CSMD1: variants seen among roughly 807,000 people sequenced by gnomAD.
CSMD1 encodes CUB and Sushi multiple domains 1, also known as CUB and sushi domain-containing protein 1.
In CSMD1, 213 loss-of-function variants were observed where a neutral mutation model predicts 417.5. The observed-to-expected ratio is 0.51, with a 90% confidence interval of 0.46 to 0.57. The LOEUF (loss-of-function observed/expected upper bound fraction) is 0.57. Ranked by LOEUF, CSMD1 falls within the 20% of genes least tolerant of loss-of-function variation. The pLI, the probability that CSMD1 is intolerant of heterozygous loss-of-function variation, is 0.00. For synonymous variants in CSMD1, 2,862 were observed against 1,736.8 expected (o/e 1.65, Z -16.11); for missense variants, 6,923 against 4,529.7 (o/e 1.53, Z -15.17).
At position 4,109,368 on chromosome 8, in the gene CSMD1, T is replaced by C. The variant is rs115841855; in HGVS notation, c.416-77269A>G. On this transcript the variant is annotated intron_variant, in intron 3 of 69. Transcript: ENST00000635120. The stretch of plus-strand genomic sequence containing the variant: ...CGAATAAAATCTTATTTCATAGATT[T>C]ACTGGGCATATAATATAGTGACCTA... 2.4e-3 allele frequency among the ~76,000 whole-genome samples: 365 copies of C among 152,294 alleles called. 1 individual carries two copies. The highest frequency in any genetic ancestry group is 0.01 in the Middle Eastern group (3 of 294).
At chr8:3,474,580 T>C (rs1817300314) in intron 11 of CSMD1, among the ~76,000 whole-genome samples, 1 of 152,208 alleles carries the variant, frequency 6.6e-6, no homozygotes, top group South Asian at 2.1e-4. Flanking sequence ...TTTTGGTCTT[T>C]ATGCAGAAGT....
intron 5 of CSMD1, among the ~76,000 whole-genome samples, chr8:3,894,235 A>G (rs1023222651): frequency 2.0e-5 from 3 of 152,146 alleles, no homozygotes; most frequent in African/African-American, 7.2e-5. Context: ...GTATCACAAC[A>G]GCTGTCAACA....
At chr8:3,551,271 A>C (rs1026991656) in intron 10 of CSMD1, among the ~76,000 whole-genome samples, 25 of 152,162 alleles carry the variant, frequency 1.6e-4, no homozygotes, top group African/African-American at 5.8e-4. Flanking sequence ...CTTGTGGCAT[A>C]TTTTCTGTAC....
intron 50 of CSMD1, among the ~76,000 whole-genome samples, chr8:3,041,222 C>G (rs1318519903): frequency 6.6e-6 from 1 of 152,042 alleles, no homozygotes; most frequent in African/African-American, 2.4e-5. Flanking sequence ...TTAGAAAATT[C>G]TCAAATATTA....
chr8:3,461,482 C>T (rs75251924), intron 12 of CSMD1, among the ~76,000 whole-genome samples: 1 of 152,164 alleles, frequency 6.6e-6, no homozygotes. Flanking sequence ...GAGTAGCTGT[C>T]TCACCTCCAC....
Position 4,453,404 on chromosome 8 carries a change from G to C in CSMD1, c.303-33339C>G, listed in dbSNP as rs145749209. On this transcript the variant is annotated intron_variant, in intron 2 of 69. Transcript: ENST00000635120. ...ACAGAACTTGGTGCTGAAGTCAGGA[G>C]ATTCCCAGAAGACACTGGACAGTTA... 1.5e-3 allele frequency among the ~76,000 whole-genome samples: 232 copies of C among 152,324 alleles called. 1 individual carries two copies. Among genetic ancestry groups the C allele is most frequent in the African/African-American group, 4.9e-3 (202 of 41,564 alleles).
chr8:4,345,927 T>C (rs1006834615), intron 3 of CSMD1, among the ~76,000 whole-genome samples: 4 of 152,064 alleles, frequency 2.6e-5, no homozygotes, highest in Admixed American at 2.6e-4. Context: ...AGGGAGGGGC[T>C]TTTCTTCCTC....
At chr8:4,396,681 T>C (rs2406692) in intron 3 of CSMD1, among the ~76,000 whole-genome samples, 3 of 151,440 alleles carry the variant, frequency 2.0e-5, no homozygotes, top group African/African-American at 7.3e-5. Context: ...ACACACCCAA[T>C]GGAATACCGA....
intron 1 of CSMD1, among the ~76,000 whole-genome samples, chr8:4,741,954 C>T (rs1016178505): frequency 3.4e-5 from 5 of 145,630 alleles, no homozygotes; most frequent in African/African-American, 1.0e-4. Context: ...CCATCTTAGC[C>T]TCCAGAGAAG....
intron 3 of CSMD1, among the ~76,000 whole-genome samples, chr8:4,115,903 A>C (rs994174381): frequency 4.3e-4 from 65 of 152,244 alleles, no homozygotes; most frequent in African/African-American, 1.4e-3. Flanking sequence ...AAGAAAGATC[A>C]GTGGTTGCCA....
At chr8:3,048,228 G>A (rs755781350) in intron 50 of CSMD1, among the ~76,000 whole-genome samples, 17 of 152,126 alleles carry the variant, frequency 1.1e-4, no homozygotes, top group African/African-American at 3.4e-4. Context: ...CAACAAGACC[G>A]ATCTTGTAGG....
In CSMD1 at chr8:3,219,270, C is replaced by T. The variant is rs562244069; in HGVS notation, c.4657G>A (p.Ala1553Thr). 1.6e-5 allele frequency: 26 copies of T among 1,592,404 alleles called. No individual in the cohort carries two copies. The highest frequency in any genetic ancestry group is 7.0e-5 in the Admixed American group (4 of 57,308). The change falls in exon 29 of 70, where the codon GCC becomes ACC. Residue 1553 changes from alanine to threonine, a missense_variant. Transcript: ENST00000635120. ...ATCGCAATACCTTTAAATTCAATGG[C>T]GAACCCTGAAAGGCCCACGGAGGCA... Reference protein sequence around the residue: ...SDASVGLSGFAIEFKEKPREA... With the variant: ...SDASVGLSGFTIEFKEKPREA...
At chr8:4,710,517 G>C (rs944156513) in intron 1 of CSMD1, among the ~76,000 whole-genome samples, 1 of 149,336 alleles carries the variant, frequency 6.7e-6, no homozygotes, top group African/African-American at 2.4e-5. Context: ...TTGAGTAAGT[G>C]TGCCAGGAGA....
At chr8:4,418,505 C>G (rs79184718) in intron 3 of CSMD1, among the ~76,000 whole-genome samples, 3,003 of 152,190 alleles carry the variant, frequency 0.02, 104 homozygotes, top group African/African-American at 0.067. Context: ...CAGCTATCAA[C>G]TTCATCAGGA....
intron 2 of CSMD1, among the ~76,000 whole-genome samples, chr8:4,440,027 G>A (rs1184439726): frequency 6.6e-6 from 1 of 152,146 alleles, no homozygotes; most frequent in Non-Finnish European, 1.5e-5. Context: ...TAAGAGTTAA[G>A]AAGCTTAATA....
intron 3 of CSMD1, among the ~76,000 whole-genome samples, chr8:4,272,406 T>C (rs892371234): frequency 6.6e-6 from 1 of 152,112 alleles, no homozygotes; most frequent in South Asian, 2.1e-4. Flanking sequence ...CTATAGACAA[T>C]GAGGATTACA....
chr8:3,657,353 G>A (rs1005676966), intron 7 of CSMD1, among the ~76,000 whole-genome samples: 1 of 152,020 alleles, frequency 6.6e-6, no homozygotes, highest in Non-Finnish European at 1.5e-5. Flanking sequence ...TCACCAAGAA[G>A]TAAAAGATCT....
At chr8:3,975,558 G>T (rs140598628) in intron 5 of CSMD1, among the ~76,000 whole-genome samples, 3 of 152,114 alleles carry the variant, frequency 2.0e-5, no homozygotes, top group Admixed American at 6.5e-5. Context: ...TCGGGATGAC[G>T]GGCAGCGCTT....
chr8:3,875,881 G>C (rs564128362), intron 5 of CSMD1, among the ~76,000 whole-genome samples: 1 of 152,152 alleles, frequency 6.6e-6, no homozygotes, highest in African/African-American at 2.4e-5. Flanking sequence ...TTCCAAACTT[G>C]GTAGGAAATC....
Sources: gnomAD v4.1 joint callset for allele counts (sites outside exome capture counted in the v4.1 genomes callset) on GRCh38, gnomAD v4.1.1 for gene constraint, MANE v1.5 for transcripts, NCBI Gene and HGNC (gene_info 2026-07-23, HGNC 2026-07-21) for gene names.